Variants in FNDC3A observed in about 807,000 individuals in gnomAD.
The protein encoded by FNDC3A is fibronectin type-III domain-containing protein 3A.
In FNDC3A, 32 loss-of-function variants were observed where a neutral mutation model predicts 148.9. The observed-to-expected ratio is 0.21, with a 90% CI of 0.16 to 0.29. The LOEUF is 0.29. FNDC3A is among the 10% of genes least tolerant of loss of function. The pLI, the probability that FNDC3A is intolerant of heterozygous loss-of-function variation, is 1.00. For missense variants in FNDC3A, 1,191 were observed against 1,452.8 expected (o/e 0.82, Z 2.93); for synonymous variants, 472 against 473.6 (o/e 1.00, Z 0.04).
At position 49,136,411 on chromosome 13, in the gene FNDC3A, G is replaced by C. The variant is rs1298310532; in HGVS notation, c.570G>C (p.Leu190Phe). The change falls in exon 6 of 26, where the codon TTG (leucine) becomes TTC (phenylalanine). Residue 190 changes from leucine (L) to phenylalanine (F), a missense_variant. Physicochemically the swap from Leu to Phe is conservative, Grantham distance 22. Coordinates refer to ENST00000492622, the MANE Select transcript of FNDC3A (RefSeq NM_001079673.2). Reference protein sequence around the residue: ...SKTYERLQKKLKDRQGTQKDK... With the variant: ...SKTYERLQKKFKDRQGTQKDK... ...CATATGAACGTTTGCAGAAAAAATT[G>C]AAGGATCGCCAAGGAACACAGAAAG... The C allele has an allele frequency of 2.5e-6, 4 of 1,613,890 alleles. No individual in the cohort carries two copies. Among genetic ancestry groups the C allele is most frequent in the Non-Finnish European group, 3.4e-6 (4 of 1,179,964 alleles).
intron 4 of FNDC3A, among the ~76,000 whole-genome samples, chr13:49,122,824 A>G (rs1352256930): frequency 6.6e-6 from 1 of 152,192 alleles, no homozygotes; most frequent in Non-Finnish European, 1.5e-5. Context: ...GAGAACTACA[A>G]ACCGCTGCTC....
rs1299181143 is a variant in FNDC3A at position 49,208,814 on chromosome 13, G to C, written c.*1419G>C. ...TAGGATAGCGAATCACTAATTTTTAGTTGCTGAGGTTGGCATTTTAGTGAT... is the reference window on the plus strand; with the variant it reads ...TAGGATAGCGAATCACTAATTTTTACTTGCTGAGGTTGGCATTTTAGTGAT... On this transcript the variant is annotated 3_prime_UTR_variant, in exon 26 of 26. Coordinates refer to ENST00000492622, the MANE Select transcript of FNDC3A (RefSeq NM_001079673.2). The C allele has an allele frequency of 2.0e-5, 3 of 152,492 alleles. No homozygotes were observed. The highest frequency in any genetic ancestry group is 3.2e-3 in the Middle Eastern group (1 of 316). 9.4% of individuals were successfully genotyped at this position (152,492 alleles called of 1,614,324 possible).
intron 8 of FNDC3A, among the ~76,000 whole-genome samples, chr13:49,153,416 T>C (rs1375998557): frequency 1.3e-5 from 2 of 152,224 alleles, no homozygotes; most frequent in Non-Finnish European, 2.9e-5. Context: ...TTCTGGATAT[T>C]AGCCCTTTGT....
Position 49,075,368 on chromosome 13 carries a change from A to C in FNDC3A, c.175+4A>C. 6.4e-7 allele frequency: 1 copy of C among 1,552,326 alleles called. No homozygotes were observed. The highest frequency in any genetic ancestry group is 8.9e-7 in the Non-Finnish European group (1 of 1,126,006). ...GGACAGTTTCAGTGCATTACAGGTA[A>C]GAATGGTAATTGAGAATAATCATTT... On this transcript the variant is annotated splice_donor_region_variant and intron_variant, in intron 3 of 25. Transcript: ENST00000492622.
Position 49,208,773 on chromosome 13 carries a change from TTTA to T in FNDC3A, c.*1384_*1386del. ...AAACACCTGTAACTAGCTTTTTTAA[TTTA>T]TTATTTGAATTTTAGGATAGCGAAT... On this transcript the variant is annotated 3_prime_UTR_variant, in exon 26 of 26. Coordinates refer to ENST00000492622, the MANE Select transcript of FNDC3A (RefSeq NM_001079673.2). 6.6e-6 allele frequency: 1 copy of T among 152,656 alleles called. No individual in the cohort carries two copies. The highest frequency in any genetic ancestry group is 1.9e-4 in the East Asian group (1 of 5,202). The allele number at this position is 152,656 out of a possible 1,614,324, so 9.5% of individuals were successfully genotyped here.
intron 19 of FNDC3A, among the ~76,000 whole-genome samples, chr13:49,194,823 G>GTA (rs1162627865): frequency 6.6e-6 from 1 of 151,784 alleles, no homozygotes; most frequent in Non-Finnish European, 1.5e-5. Context: ...TTATAGATTG[G>GTA]TATATAGCTT....
At chr13:49,176,256 G>A (rs949552690) in intron 13 of FNDC3A, among the ~76,000 whole-genome samples, 1 of 152,192 alleles carries the variant, frequency 6.6e-6, no homozygotes, top group Non-Finnish European at 1.5e-5. Flanking sequence ...AATAGTTTCA[G>A]AAGGAATGGT....
chr13:49,160,350 G>C (rs1469752185), intron 8 of FNDC3A, among the ~76,000 whole-genome samples: 1 of 152,016 alleles, frequency 6.6e-6, no homozygotes, highest in Admixed American at 6.6e-5. Context: ...GTCTTGGGAG[G>C]GTGTATGTGT....
intron 3 of FNDC3A, among the ~76,000 whole-genome samples, chr13:49,109,920 C>A (rs530196395): frequency 9.9e-4 from 150 of 152,238 alleles, no homozygotes; most frequent in Non-Finnish European, 1.8e-3. Context: ...TATACAATGA[C>A]ATTTCAGACT....
intron 1 of FNDC3A, among the ~76,000 whole-genome samples, chr13:49,004,608 C>T (rs1168290396): frequency 6.6e-6 from 1 of 151,896 alleles, no homozygotes; most frequent in African/African-American, 2.4e-5. Flanking sequence ...ATTACCAGTT[C>T]ATCTCCTGAA....
chr13:49,105,413 C>T (rs1880111875), intron 3 of FNDC3A, among the ~76,000 whole-genome samples: 1 of 152,210 alleles, frequency 6.6e-6, no homozygotes, highest in Non-Finnish European at 1.5e-5. Flanking sequence ...CTGATCCATG[C>T]TTCTCTCTAA....
At chr13:49,142,662 G>T (rs1051349490) in intron 7 of FNDC3A, among the ~76,000 whole-genome samples, 44 of 152,080 alleles carry the variant, frequency 2.9e-4, no homozygotes, top group Admixed American at 1.7e-3. Flanking sequence ...ATATGAACAT[G>T]CCTTGGACTA....
rs1305458327 is a variant in FNDC3A, at chr13:49,191,386, TAAG to T, written c.2226+7_2226+9del. The T allele has an allele frequency of 6.3e-7, 1 of 1,581,510 alleles. No individual in the cohort carries two copies. Among genetic ancestry groups the T allele is most frequent in the East Asian group, 2.2e-5 (1 of 44,612 alleles). On this transcript the variant is annotated splice_donor_5th_base_variant and intron_variant, in intron 19 of 25. Coordinates refer to ENST00000492622, the MANE Select transcript of FNDC3A (RefSeq NM_001079673.2). Reference sequence around the variant, plus strand: ...CTACGTGCAGCTAACAAAATGGGGGTAAGAAGACTGTGCTGGTAGAATTATAAT... The same window carrying T: ...CTACGTGCAGCTAACAAAATGGGGGTAAGACTGTGCTGGTAGAATTATAAT...
intron 1 of FNDC3A, among the ~76,000 whole-genome samples, chr13:48,986,381 AGTT>A (rs1951794191): frequency 6.4e-5 from 6 of 93,268 alleles, no homozygotes; most frequent in African/African-American, 2.4e-4. Flanking sequence ...AGGAGAAGGA[AGTT>A]GTTTTTTTTT....
rs538674874 is a variant in FNDC3A, at chr13:49,039,488, C to T, written c.99+33199C>T. Among the ~76,000 whole-genome samples, 3 of 152,162 alleles carry T rather than the reference C, an allele frequency of 2.0e-5. No homozygotes were observed. The South Asian group carries it at 6.2e-4, about 32-fold the overall frequency. On this transcript the variant is annotated intron_variant, in intron 2 of 25. Transcript: ENST00000492622. ...GCTTTTTTGAAACTTAGTTTTCTCC[C>T]CCAAGTAAATAATTTTATATATGAA... is the stretch of plus-strand genomic sequence containing the variant.
chr13:49,126,435 C>CTGT (rs1881705917), intron 4 of FNDC3A, among the ~76,000 whole-genome samples: 2 of 152,112 alleles, frequency 1.3e-5, no homozygotes, highest in African/African-American at 4.8e-5. Context: ...AGCTCTGAAC[C>CTGT]TGTTAAATAA....
intron 7 of FNDC3A, among the ~76,000 whole-genome samples, chr13:49,144,955 A>C (rs1487294568): frequency 6.6e-6 from 1 of 152,158 alleles, no homozygotes; most frequent in Non-Finnish European, 1.5e-5. Context: ...TTTTTTGAGC[A>C]CTTGCAGAAT....
chr13:48,976,298 C>T (rs1349233105), intron 1 of FNDC3A, 121 bp downstream of exon 1: 3 of 152,672 alleles, frequency 2.0e-5, no homozygotes, highest in Non-Finnish European at 4.4e-5. Context: ...GGGGCACTCT[C>T]CAGGGCTCGG....
At chr13:49,125,924 T>G (rs529977389) in intron 4 of FNDC3A, among the ~76,000 whole-genome samples, 2 of 152,242 alleles carry the variant, frequency 1.3e-5, no homozygotes, top group Non-Finnish European at 1.5e-5. Context: ...GGTCAGACTA[T>G]GCTAATGCCT....
Sources: gnomAD v4.1 joint callset for allele counts (sites outside exome capture counted in the v4.1 genomes callset) on GRCh38, gnomAD v4.1.1 for gene constraint, MANE v1.5 for transcripts, NCBI Gene and HGNC (gene_info 2026-07-23, HGNC 2026-07-21) for gene names.